REEP1: variants seen among roughly 807,000 people sequenced by gnomAD.
REEP1 encodes the protein receptor accessory protein 1.
Under a neutral mutation model 40.3 loss-of-function variants are expected in REEP1, and 22 were observed. The ratio of observed to expected loss-of-function variants is 0.55; its 90% CI spans 0.39 to 0.78. The LOEUF is 0.78. Among genes scored for constraint, REEP1 ranks in the 30% least tolerant of loss-of-function variants. REEP1 has a pLI of 0.00. For missense variants in REEP1, 280 were observed against 361.1 expected (o/e 0.78, Z 1.82); for synonymous variants, 116 against 139.2 (o/e 0.83, Z 1.17).
At chr2:86,290,079 C>T (rs1421968445) in intron 1 of REEP1, among the ~76,000 whole-genome samples, 1 of 152,210 alleles carries the variant, frequency 6.6e-6, no homozygotes, top group Non-Finnish European at 1.5e-5. Flanking sequence ...TCACTGCAAC[C>T]TCCATCTCCT....
Position 86,267,495 on chromosome 2 carries a change from A to C in REEP1, c.106-3454T>G, listed in dbSNP as rs2104324503. ...AAGTTCTTTATAGCAGTGTGAAAAC[A>C]GACTAATACACACTGTCTCCACTAA... is the stretch of plus-strand genomic sequence containing the variant. On this transcript the variant is annotated intron_variant, in intron 2 of 8. Coordinates refer to ENST00000538924, the MANE Select transcript of REEP1 (RefSeq NM_001371279.1). Among the ~76,000 whole-genome samples, 5 of 152,322 alleles carry C rather than the reference A, an allele frequency of 3.3e-5. 1 individual carries two copies. In the South Asian group the frequency reaches 1.0e-3, roughly 32 times the overall value.
upstream of REEP1, chr2:86,337,696 G>C (rs573256758): frequency 9.5e-4 from 933 of 987,226 alleles, 8 homozygotes; most frequent in African/African-American, 0.015. The surrounding 1 kb of genome is among the most constrained non-coding windows in gnomAD (Gnocchi z 5.8). Flanking sequence ...CGGCGGCGGC[G>C]GCGGCCCCAG....
chr2:86,257,257 A>G (rs1676612400), intron 3 of REEP1, among the ~76,000 whole-genome samples: 1 of 152,164 alleles, frequency 6.6e-6, no homozygotes, highest in Admixed American at 6.5e-5. Context: ...CAAGACACAT[A>G]AATAATCTGT....
intron 1 of REEP1, among the ~76,000 whole-genome samples, chr2:86,309,865 T>C (rs554556251): frequency 2.6e-5 from 4 of 152,236 alleles, no homozygotes; most frequent in African/African-American, 7.2e-5. Flanking sequence ...GGGGGGGCAA[T>C]TGGCTGCCTC....
intron 1 of REEP1, among the ~76,000 whole-genome samples, chr2:86,296,072 G>A (rs1014540038): frequency 1.3e-5 from 2 of 152,170 alleles, no homozygotes; most frequent in Admixed American, 1.3e-4. Context: ...TTCCATTTAT[G>A]AGCCTCAAAT....
chr2:86,251,905 G>T, intron 5 of REEP1, 52 bp downstream of exon 5: 1 of 1,229,726 alleles, frequency 8.1e-7, no homozygotes, highest in Non-Finnish European at 1.2e-6. Context: ...GATGAGCAGG[G>T]CACACTAGAG....
At chr2:86,306,428 T>G (rs6718596) in intron 1 of REEP1, among the ~76,000 whole-genome samples, 127,696 of 152,076 alleles carry the variant, frequency 0.84, 53,920 homozygotes, top group East Asian at 0.96. Context: ...CCCACCCTTT[T>G]CTTGAAAAAG....
chr2:86,312,106 A>T (rs1165013404), intron 1 of REEP1, among the ~76,000 whole-genome samples: 1 of 152,106 alleles, frequency 6.6e-6, no homozygotes, highest in African/African-American at 2.4e-5. Context: ...CACTGCTTTC[A>T]CATCACTCCT....
chr2:86,305,145 G>C (rs549085918), intron 1 of REEP1, among the ~76,000 whole-genome samples: 5 of 152,196 alleles, frequency 3.3e-5, no homozygotes, highest in Non-Finnish European at 4.4e-5. Context: ...GAGACAGACA[G>C]ACACAGAAGC....
chr2:86,240,492 G>A (rs556155888), intron 5 of REEP1, among the ~76,000 whole-genome samples: 4 of 152,290 alleles, frequency 2.6e-5, no homozygotes, highest in East Asian at 1.9e-4. Context: ...TGAAGCGGGC[G>A]GGGGAAGGCA....
intron 1 of REEP1, among the ~76,000 whole-genome samples, chr2:86,304,569 G>A (rs536406125): frequency 2.0e-4 from 30 of 152,240 alleles, no homozygotes; most frequent in Admixed American, 1.0e-3. Flanking sequence ...TCCCAAAGCC[G>A]CTATCATTGC....
At chr2:86,299,639 C>G (rs931674777) in intron 1 of REEP1, among the ~76,000 whole-genome samples, 1 of 152,134 alleles carries the variant, frequency 6.6e-6, no homozygotes, top group Non-Finnish European at 1.5e-5. Flanking sequence ...TCCTTAAGAG[C>G]AAGGACAATA....
chr2:86,310,150 C>T (rs999748258), intron 1 of REEP1, among the ~76,000 whole-genome samples: 8 of 152,182 alleles, frequency 5.3e-5, no homozygotes, highest in African/African-American at 1.4e-4. Context: ...TATTCAGCAT[C>T]GCCTCCCCAT....
chr2:86,332,436 A>AACACACACACACACAC (rs55793634), intron 1 of REEP1, among the ~76,000 whole-genome samples: 102 of 136,220 alleles, frequency 7.5e-4, no homozygotes, highest in African/African-American at 2.4e-3. Flanking sequence ...CTTTCCTGGA[A>AACACACACACACACAC]ACACACACAC....
At chr2:86,295,673 G>A (rs1210223269) in intron 1 of REEP1, among the ~76,000 whole-genome samples, 2 of 152,072 alleles carry the variant, frequency 1.3e-5, no homozygotes, top group African/African-American at 4.8e-5. Context: ...CCGAGTAGCT[G>A]GGACTACAGG....
intron 1 of REEP1, among the ~76,000 whole-genome samples, chr2:86,289,404 T>G (rs2104421544): frequency 6.6e-6 from 1 of 152,326 alleles, no homozygotes; most frequent in African/African-American, 2.4e-5. Context: ...CACGGTGTCT[T>G]TATAATAACC....
chr2:86,331,591 G>A (rs1282127274), intron 1 of REEP1, among the ~76,000 whole-genome samples: 1 of 152,096 alleles, frequency 6.6e-6, no homozygotes, highest in Non-Finnish European at 1.5e-5. Context: ...AGAGAAGCAG[G>A]GCAAGACAGC....
chr2:86,262,133 T>C (rs1390827068), intron 3 of REEP1, among the ~76,000 whole-genome samples: 1 of 152,248 alleles, frequency 6.6e-6, no homozygotes, highest in African/African-American at 2.4e-5. Context: ...GGATCCTCCA[T>C]ATGCCGAACG....
chr2:86,303,735 G>A (rs1679360814), intron 1 of REEP1, among the ~76,000 whole-genome samples: 1 of 152,120 alleles, frequency 6.6e-6, no homozygotes, highest in Non-Finnish European at 1.5e-5. Context: ...AGGTGAGCAG[G>A]GATTTGGTAG....
Sources: allele counts gnomAD v4.1 joint callset (sites outside exome capture counted in the v4.1 genomes callset), GRCh38; gene constraint gnomAD v4.1.1; non-coding constraint Gnocchi (gnomAD v3.1); transcripts MANE v1.5; gene names NCBI Gene and HGNC (gene_info 2026-07-23, HGNC 2026-07-21).